The following FAM135A variants were observed in gnomAD, a reference collection of about 807,000 sequenced individuals.
FAM135A encodes protein FAM135A.
Under a neutral mutation model 146.8 loss-of-function variants are expected in FAM135A, and 79 were observed. The ratio of observed to expected loss-of-function variants is 0.54; its 90% CI spans 0.45 to 0.65. The LOEUF is 0.65. Among genes scored for constraint, FAM135A ranks in the 30% least tolerant of loss-of-function variants. The probability of loss-of-function intolerance (pLI) is 0.00; values close to 1 mark genes in which losing one functional copy is unlikely to be tolerated. For synonymous variants in FAM135A, 562 were observed against 603.6 expected, an observed-to-expected ratio of 0.93 and a Z score of 1.01; for missense variants, 1,623 against 1,758.2, an observed-to-expected ratio of 0.92 and a Z score of 1.38.
chr6:70,425,202 C>T (rs1450387829), intron 2 of FAM135A, among the ~76,000 whole-genome samples: 1 of 151,780 alleles, frequency 6.6e-6, no homozygotes, highest in African/African-American at 2.4e-5. Context: ...ATACCTCATA[C>T]TTACTACAAT....
In FAM135A at chr6:70,526,461, G is replaced by T; in HGVS notation, c.3377G>T (p.Arg1126Ile). ...YTSRDELMEE[R>I]LTKSEKINSD... Reference sequence around the variant, plus strand: ...AGCAGAGATGAACTAATGGAAGAAAGACTTACAAAATCTGAAAAAATAAAC... The same window carrying T: ...AGCAGAGATGAACTAATGGAAGAAATACTTACAAAATCTGAAAAAATAAAC... The change falls in exon 15 of 22, where the codon AGA (arginine) becomes ATA (isoleucine). Residue 1126 changes from arginine (R) to isoleucine (I), a missense_variant. By Grantham distance (97) the Arg-to-Ile change is moderately conservative. This residue lies in a region of FAM135A where 1,061 missense variants were observed against 1,113.8 expected (regional missense o/e 0.95). Coordinates refer to ENST00000418814, the MANE Select transcript of FAM135A (RefSeq NM_001162529.3). 6.2e-7 allele frequency: 1 copy of T among 1,613,306 alleles called. No homozygotes were observed. The highest frequency in any genetic ancestry group is 8.5e-7 in the Non-Finnish European group (1 of 1,179,574).
intron 5 of FAM135A, among the ~76,000 whole-genome samples, chr6:70,456,819 A>G (rs941778989): frequency 6.6e-6 from 1 of 152,222 alleles, no homozygotes; most frequent in African/African-American, 2.4e-5. Flanking sequence ...ATAAATTGTG[A>G]AAAGATTTAA....
intron 20 of FAM135A, among the ~76,000 whole-genome samples, chr6:70,542,836 A>G (rs956521921): frequency 9.9e-5 from 15 of 151,984 alleles, no homozygotes; most frequent in African/African-American, 1.4e-4. Flanking sequence ...TGTTCTCTCA[A>G]TTACTCCTTT....
At chr6:70,544,420 C>T (rs1477804605) in intron 20 of FAM135A, among the ~76,000 whole-genome samples, 1 of 151,702 alleles carries the variant, frequency 6.6e-6, no homozygotes, top group Non-Finnish European at 1.5e-5. Context: ...CCCAGCTACT[C>T]GGGAGGCTGA....
intron 1 of FAM135A, 97 bp downstream of exon 1, chr6:70,413,799 T>A (rs1766808239): frequency 1.0e-6 from 1 of 984,998 alleles, no homozygotes; most frequent in African/African-American, 1.7e-5. Flanking sequence ...GGAAGCGGCC[T>A]CCTCTTCGTC....
At chr6:70,450,753 T>TTTTTTTTTTTA (rs1776894821) in intron 4 of FAM135A, among the ~76,000 whole-genome samples, 1 of 108,322 alleles carries the variant, frequency 9.2e-6, no homozygotes, top group Non-Finnish European at 1.8e-5. Flanking sequence ...TTTTTTTTTT[T>TTTTTTTTTTTA]TTTTTGAGTC....
chr6:70,473,052 AT>A (rs1433215865), intron 5 of FAM135A, among the ~76,000 whole-genome samples: 2 of 152,146 alleles, frequency 1.3e-5, no homozygotes, highest in African/African-American at 4.8e-5. Context: ...ATTTATTTAT[AT>A]CAGTATGGAC....
rs566643049 is a variant in FAM135A, at chr6:70,509,657, C to G, written c.1029+6866C>G. 3.3e-5 allele frequency among the ~76,000 whole-genome samples: 5 copies of G among 152,230 alleles called. No individual in the cohort carries two copies. In the South Asian group the frequency reaches 1.0e-3, roughly 32 times the overall value. The stretch of plus-strand genomic sequence containing the variant: ...ACTAATTGCTTTATAAATGTTAACT[C>G]ATTTAATCATCAGTACAATCTCATG... On this transcript the variant is annotated intron_variant, in intron 12 of 21. Coordinates refer to ENST00000418814, the MANE Select transcript of FAM135A (RefSeq NM_001162529.3).
In FAM135A at chr6:70,560,079, A is replaced by G. The variant is rs1236867817; in HGVS notation, c.*158A>G. 1.7e-6 allele frequency: 1 copy of G among 580,272 alleles called. No homozygotes were observed. Among genetic ancestry groups the G allele is most frequent in the African/African-American group, 1.9e-5 (1 of 52,028 alleles). The allele number at this position is 580,272 out of a possible 1,614,324, so 35.9% of individuals were successfully genotyped here. On this transcript the variant is annotated 3_prime_UTR_variant, in exon 22 of 22. Coordinates refer to ENST00000418814, the MANE Select transcript of FAM135A (RefSeq NM_001162529.3). Reference sequence around the variant, plus strand: ...CATCCATGTTTAGTGCTTTTTAAACATCAACTTTACTTTCTAGGTAATGTG... The same window carrying G: ...CATCCATGTTTAGTGCTTTTTAAACGTCAACTTTACTTTCTAGGTAATGTG...
chr6:70,474,449 G>C (rs943005216), intron 5 of FAM135A, among the ~76,000 whole-genome samples: 9 of 152,120 alleles, frequency 5.9e-5, no homozygotes, highest in African/African-American at 2.2e-4. Flanking sequence ...TGAGTTTAGT[G>C]GTCTGCAAGC....
intron 5 of FAM135A, among the ~76,000 whole-genome samples, chr6:70,462,604 C>G (rs57219733): frequency 0.043 from 6,485 of 151,104 alleles, 300 homozygotes; most frequent in African/African-American, 0.1. Context: ...TTTAGACTTA[C>G]AAGAAATCAG....
chr6:70,443,541 A>T (rs1181540288), intron 4 of FAM135A, among the ~76,000 whole-genome samples: 1 of 152,248 alleles, frequency 6.6e-6, no homozygotes, highest in Non-Finnish European at 1.5e-5. Context: ...CAATCTAAGG[A>T]TGCCTTTCTC....
chr6:70,476,217 A>T (rs1782609494), intron 7 of FAM135A, among the ~76,000 whole-genome samples: 1 of 152,186 alleles, frequency 6.6e-6, no homozygotes, highest in African/African-American at 2.4e-5. Flanking sequence ...ACTTACCCAC[A>T]TACCTGGACA....
rs1770689488 is a variant in FAM135A at position 70,428,374 on chromosome 6, C to T, written c.32C>T (p.Ser11Phe). The T allele has an allele frequency of 6.2e-7, 1 of 1,603,170 alleles. No individual in the cohort carries two copies. Among genetic ancestry groups the T allele is most frequent in the African/African-American group, 1.3e-5 (1 of 74,678 alleles). ...GAAGTTCAAGCAATGGTAGAATTCTCTGTGGAGCTAAACAAGTTCTACAAT... is the reference window on the plus strand; with the variant it reads ...GAAGTTCAAGCAATGGTAGAATTCTTTGTGGAGCTAAACAAGTTCTACAAT... MTEVQAMVEF[S>F]VELNKFYNVD... is the part of the protein sequence containing the mutation. Residue 11 changes from serine to phenylalanine, a missense_variant, in exon 4 of 22, where the codon TCT becomes TTT. By Grantham distance (155) the Ser-to-Phe change is radical (BLOSUM62 -2). This residue lies in a region of FAM135A where 171 missense variants were observed against 164.9 expected (regional missense o/e 1.04). Transcript: ENST00000418814.
At chr6:70,476,724 T>C (rs183054583) in intron 7 of FAM135A, among the ~76,000 whole-genome samples, 19 of 152,280 alleles carry the variant, frequency 1.2e-4, no homozygotes, top group African/African-American at 4.3e-4. Flanking sequence ...AGCAATGGCC[T>C]GCTTATTTTT....
intron 18 of FAM135A, among the ~76,000 whole-genome samples, chr6:70,534,685 G>GT: frequency 6.6e-6 from 1 of 152,100 alleles, no homozygotes. Flanking sequence ...ACCAGTATGA[G>GT]TTTCATTATT....
At chr6:70,457,865 G>C (rs572938077) in intron 5 of FAM135A, among the ~76,000 whole-genome samples, 19 of 152,052 alleles carry the variant, frequency 1.2e-4, no homozygotes, top group African/African-American at 3.4e-4. Context: ...CTTTTCCTGG[G>C]TACTTAATTT....
At chr6:70,558,643 T>G (rs757578932) in intron 21 of FAM135A, among the ~76,000 whole-genome samples, 1 of 152,074 alleles carries the variant, frequency 6.6e-6, no homozygotes, top group Non-Finnish European at 1.5e-5. Context: ...GACCCCATTC[T>G]ACCAAAAATA....
intron 11 of FAM135A, among the ~76,000 whole-genome samples, chr6:70,495,752 A>G (rs930015602): frequency 6.6e-6 from 1 of 152,078 alleles, no homozygotes. Context: ...CCTGTCGTCT[A>G]CATTAGGTAT....
Sources: gnomAD v4.1 joint callset for allele counts (sites outside exome capture counted in the v4.1 genomes callset) on GRCh38, gnomAD v4.1.1 for gene constraint, gnomAD v4.1.1 regional missense constraint, MANE v1.5 for transcripts, NCBI Gene and HGNC (gene_info 2026-07-23, HGNC 2026-07-21) for gene names.